Variants in MYO7B observed in about 807,000 individuals in gnomAD.
MYO7B encodes unconventional myosin-VIIb.
A neutral mutation model predicts 259.7 loss-of-function variants in MYO7B; 212 were observed. The ratio of observed to expected loss-of-function variants is 0.82; its 90% CI spans 0.73 to 0.91. The LOEUF (loss-of-function observed/expected upper bound fraction) is 0.91. Ranked by LOEUF, MYO7B falls within the 40% of genes least tolerant of loss-of-function variation. MYO7B has a pLI of 0.00. For missense variants in MYO7B, 2,732 were observed against 2,813.5 expected (o/e 0.97, Z 0.66); for synonymous variants, 1,197 against 1,166.4 (o/e 1.03, Z -0.54).
chr2:127,627,071 T>C lies in MYO7B; in HGVS notation c.4312T>C (p.Phe1438Leu). The C allele has an allele frequency of 6.2e-7, 1 of 1,611,442 alleles. No individual in the cohort carries two copies. Among genetic ancestry groups the C allele is most frequent in the Non-Finnish European group, 8.5e-7 (1 of 1,179,232 alleles). ...LQWPLLFSRLFEVITLSGPRL... is the reference protein window; with the variant it reads ...LQWPLLFSRLLEVITLSGPRL... ...GTGGCCGCTGCTCTTCTCCCGGCTC[T>C]TCGAAGTCATCACACTCTCAGGTAA... is the stretch of plus-strand genomic sequence containing the variant. The change falls in exon 32 of 48, where the codon TTC (phenylalanine) becomes CTC (leucine). Residue 1438 changes from phenylalanine to leucine, a missense_variant. Phe to Leu is a conservative substitution (Grantham distance 22). This residue lies in a region of MYO7B where 1,906 missense variants were observed against 2,026.4 expected (regional missense o/e 0.94). Coordinates refer to ENST00000409816, the MANE Select transcript of MYO7B (RefSeq NM_001393586.1). This position sits in a 1 kb window ranked among gnomAD's most constrained non-coding sequence, Gnocchi z 5.6.
chr2:127,546,651 C>T lies in MYO7B; in HGVS notation c.-24+10820C>T, dbSNP rs1256101189. 6.6e-6 allele frequency among the ~76,000 whole-genome samples: 1 copy of T among 152,180 alleles called. No individual in the cohort carries two copies. The highest frequency in any genetic ancestry group is 1.5e-5 in the Non-Finnish European group (1 of 68,032). On this transcript the variant is annotated intron_variant, in intron 1 of 47. Coordinates refer to ENST00000409816, the MANE Select transcript of MYO7B (RefSeq NM_001393586.1). This position sits in a 1 kb window ranked among gnomAD's most constrained non-coding sequence, Gnocchi z 4.2. ...TCAGCCACACTGACCTGCCTCAGGG[C>T]TTAACAAAAGGAACTGGACTAAGAA...
Position 127,590,745 on chromosome 2 carries a change from C to T in MYO7B, c.1992+516C>T, listed in dbSNP as rs932749297. On this transcript the variant is annotated intron_variant, in intron 16 of 47. Coordinates refer to ENST00000409816, the MANE Select transcript of MYO7B (RefSeq NM_001393586.1). This position sits in a 1 kb window ranked among gnomAD's most constrained non-coding sequence, Gnocchi z 4.6. ...CCCTGCCCACAACGGAGTCCCTGCT[C>T]CATTGGGTGGGGAGTCCCACCCAGA... Among the ~76,000 whole-genome samples, 27 of 152,328 alleles carry T rather than the reference C, an allele frequency of 1.8e-4. No individual in the cohort carries two copies. The highest frequency in any genetic ancestry group is 6.0e-4 in the African/African-American group (25 of 41,578).
intron 40 of MYO7B, 27 bp downstream of exon 40, chr2:127,633,390 C>G (rs1681628440): frequency 1.2e-6 from 2 of 1,604,998 alleles, no homozygotes; most frequent in Non-Finnish European, 1.7e-6. Flanking sequence ...GTCTGCACGG[C>G]AAGTCTCAGG....
chr2:127,582,114 G>T, intron 11 of MYO7B, 104 bp downstream of exon 11: 1 of 1,550,318 alleles, frequency 6.5e-7, no homozygotes, highest in Non-Finnish European at 8.7e-7. Context: ...CCCTGGGCAG[G>T]TCCCCACTCT....
In MYO7B at chr2:127,539,901, G is replaced by C. The variant is rs1484779595; in HGVS notation, c.-24+4070G>C. On this transcript the variant is annotated intron_variant, in intron 1 of 47. Coordinates refer to ENST00000409816, the MANE Select transcript of MYO7B (RefSeq NM_001393586.1). This position sits in a 1 kb window ranked among gnomAD's most constrained non-coding sequence, Gnocchi z 4.0. Reference sequence around the variant, plus strand: ...TACGCCTTTGCAGCCTCATAGCTTAGCTCCCATTTATAAGTGAGAACATAC... The same window carrying C: ...TACGCCTTTGCAGCCTCATAGCTTACCTCCCATTTATAAGTGAGAACATAC... 1.3e-5 allele frequency among the ~76,000 whole-genome samples: 2 copies of C among 152,124 alleles called. No individual in the cohort carries two copies. Among genetic ancestry groups the C allele is most frequent in the African/African-American group, 2.4e-5 (1 of 41,440 alleles).
At chr2:127,610,630 A>T (rs1680347463) in intron 24 of MYO7B, among the ~76,000 whole-genome samples, 1 of 152,248 alleles carries the variant, frequency 6.6e-6, no homozygotes, top group South Asian at 2.1e-4. Flanking sequence ...TGTTAGTGGA[A>T]CTAACCAAGA....
intron 6 of MYO7B, among the ~76,000 whole-genome samples, chr2:127,572,334 G>A (rs767753028): frequency 2.7e-5 from 4 of 149,532 alleles, no homozygotes; most frequent in Admixed American, 6.7e-5. Flanking sequence ...CAGGAGAATC[G>A]CTTGAACGCA....
In MYO7B at chr2:127,582,312, T is replaced by C. The variant is rs1415005644; in HGVS notation, c.1209T>C (p.Tyr403=). 1.1e-5 allele frequency: 17 copies of C among 1,612,976 alleles called. No homozygotes were observed. Among genetic ancestry groups the C allele is most frequent in the Admixed American group, 1.7e-5 (1 of 59,886 alleles). Residue 403 remains tyrosine (Y), a synonymous_variant, in exon 12 of 48, where the codon TAT becomes TAC. Transcript: ENST00000409816. ...CCCCCGTGTCTCTCCAGGGCATCTA[T>C]GGGCACCTCTTCCTGTGGATTGTCA... is the stretch of plus-strand genomic sequence containing the variant. The part of the protein sequence containing the change: ...DRRDAFVKGI[Y]GHLFLWIVKK...
At position 127,593,605 on chromosome 2, in the gene MYO7B, CAA is replaced by C. The variant is rs1679654711; in HGVS notation, c.2207_2208del (p.Lys736ArgfsTer78). 1.2e-6 allele frequency: 2 copies of C among 1,613,616 alleles called. No individual in the cohort carries two copies. Among genetic ancestry groups the C allele is most frequent in the Non-Finnish European group, 1.7e-6 (2 of 1,179,852 alleles). On this transcript the variant is annotated frameshift_variant, in exon 18 of 48. Coordinates refer to ENST00000409816, the MANE Select transcript of MYO7B (RefSeq NM_001393586.1). LOFTEE classifies it high-confidence loss of function. The stretch of plus-strand genomic sequence containing the variant: ...TCACTGACGTGTGGCTGCGGACAGA[CAA>C]AGACTGGAAAGCGGGGAAGACAAAA... ...GITDVWLRTD[K>X]DWKAGKTKIF...
intron 2 of MYO7B, among the ~76,000 whole-genome samples, chr2:127,562,256 T>A (rs1678119426): frequency 6.6e-6 from 1 of 152,166 alleles, no homozygotes; most frequent in South Asian, 2.1e-4. Context: ...TTTTTGCCCA[T>A]CTTCTATAGC....
chr2:127,555,044 G>C (rs1208748286), intron 1 of MYO7B, among the ~76,000 whole-genome samples: 1 of 151,830 alleles, frequency 6.6e-6, no homozygotes, highest in East Asian at 1.9e-4. Flanking sequence ...TGCCTCCCAG[G>C]TTCAAGCAAT....
rs1291638516 is a variant in MYO7B, at chr2:127,593,598, G to A, written c.2198G>A (p.Arg733Gln). ...MTLGITDVWL[R>Q]TDKDWKAGKT... ...CTGGGCATCACTGACGTGTGGCTGC[G>A]GACAGACAAAGACTGGAAAGCGGGG... Residue 733 changes from arginine (R) to glutamine (Q), a missense_variant, in exon 18 of 48, where the codon CGG becomes CAG. Arg to Gln is a conservative substitution (Grantham distance 43). Around this residue, in one of 3 missense-constraint regions of MYO7B, gnomAD observed 1,906 missense variants for 2,026.4 expected, o/e 0.94. Transcript: ENST00000409816. The A allele has an allele frequency of 3.1e-6, 5 of 1,613,604 alleles. No homozygotes were observed. The highest frequency in any genetic ancestry group is 1.7e-5 in the Admixed American group (1 of 60,000).
At chr2:127,549,670 G>A (rs902195416) in intron 1 of MYO7B, among the ~76,000 whole-genome samples, 1 of 152,184 alleles carries the variant, frequency 6.6e-6, no homozygotes, top group Non-Finnish European at 1.5e-5. Flanking sequence ...TGAATTTGAT[G>A]TGCCCATGGC....
chr2:127,550,178 G>C (rs1693393147), intron 1 of MYO7B, among the ~76,000 whole-genome samples: 1 of 152,100 alleles, frequency 6.6e-6, no homozygotes, highest in Non-Finnish European at 1.5e-5. Context: ...AACACAATTT[G>C]AACTAGGGGA....
rs1419579027 is a variant in MYO7B at position 127,635,117 on chromosome 2, C to G, written c.5714-3C>G. 2.5e-6 allele frequency: 4 copies of G among 1,610,746 alleles called. No homozygotes were observed. The East Asian group carries it at 8.9e-5, about 36-fold the overall frequency. On this transcript the variant is annotated splice_polypyrimidine_tract_variant and splice_region_variant and intron_variant, in intron 42 of 47. Transcript: ENST00000409816. ...TTGGTGCCCACTGCTGGCCCTCGCC[C>G]AGGGGCCCCCGTGACGCTCCCCTAC...
At chr2:127,622,394 C>T (rs1377436739) in intron 28 of MYO7B, among the ~76,000 whole-genome samples, 2 of 152,202 alleles carry the variant, frequency 1.3e-5, no homozygotes, top group Admixed American at 6.5e-5. Context: ...TTCCAGCACT[C>T]CCCTCCAAGG....
intron 37 of MYO7B, 73 bp from the exon 38 acceptor site, chr2:127,631,521 CCGGGGT>C: frequency 7.1e-6 from 11 of 1,549,284 alleles, no homozygotes; most frequent in Non-Finnish European, 9.6e-6. Context: ...CACCGCAGGG[CCGGGGT>C]CGGGGTCAGC....
At chr2:127,617,059 A>G (rs536192376) in intron 26 of MYO7B, among the ~76,000 whole-genome samples, 3 of 152,134 alleles carry the variant, frequency 2.0e-5, no homozygotes, top group South Asian at 2.1e-4. Flanking sequence ...TCAGTTACCA[A>G]ATTAGCCATT....
Position 127,564,246 on chromosome 2 carries a change from G to T in MYO7B, c.112G>T (p.Val38Phe), listed in dbSNP as rs746764788. The T allele has an allele frequency of 3.8e-6, 6 of 1,576,398 alleles. No individual in the cohort carries two copies. Among genetic ancestry groups the T allele is most frequent in the African/African-American group, 1.3e-5 (1 of 74,212 alleles). Reference protein sequence around the residue: ...IKEAKPGKVLVEDDEGKEHWI... With the variant: ...IKEAKPGKVLFEDDEGKEHWI... ...AGAGGCAAAGCCAGGCAAAGTCTTGGTTGAAGATGACGAGGGCAAGGTCAG... is the reference window on the plus strand; with the variant it reads ...AGAGGCAAAGCCAGGCAAAGTCTTGTTTGAAGATGACGAGGGCAAGGTCAG... Residue 38 changes from valine (V) to phenylalanine (F), a missense_variant, in exon 3 of 48, where the codon GTT becomes TTT. Val to Phe is a conservative substitution (Grantham distance 50, BLOSUM62 -1). Around this residue, in one of 3 missense-constraint regions of MYO7B, gnomAD observed 1,906 missense variants for 2,026.4 expected, o/e 0.94. Coordinates refer to ENST00000409816, the MANE Select transcript of MYO7B (RefSeq NM_001393586.1).
Sources: gnomAD v4.1 joint callset for allele counts (sites outside exome capture counted in the v4.1 genomes callset) on GRCh38, gnomAD v4.1.1 for gene constraint, gnomAD v4.1.1 regional missense constraint, Gnocchi (gnomAD v3.1) non-coding constraint, MANE v1.5 for transcripts, NCBI Gene and HGNC (gene_info 2026-07-23, HGNC 2026-07-21) for gene names.